PAPPA: variants seen among roughly 807,000 people sequenced by gnomAD.
PAPPA encodes pappalysin-1.
In PAPPA, 60 loss-of-function variants were observed where a neutral mutation model predicts 164.0. That is an observed-to-expected ratio of 0.37 (90% CI 0.30 to 0.45). The LOEUF (loss-of-function observed/expected upper bound fraction) is 0.45, where lower values mean the gene tolerates loss of function less well. Ranked by LOEUF, PAPPA falls within the 20% of genes least tolerant of loss-of-function variation. The probability of loss-of-function intolerance (pLI) is 1.00; values close to 1 mark genes in which losing one functional copy is unlikely to be tolerated. For missense variants in PAPPA, 1,782 were observed against 2,087.3 expected (o/e 0.85, Z 2.85); for synonymous variants, 875 against 814.1 (o/e 1.07, Z -1.27).
intron 21 of PAPPA, among the ~76,000 whole-genome samples, chr9:116,391,387 C>T (rs1286218329): frequency 1.3e-5 from 2 of 152,190 alleles, no homozygotes; most frequent in African/African-American, 2.4e-5. Context: ...TGGCCCCCCA[C>T]AGCCAGCAGG....
At chr9:116,218,465 G>A (rs1490362721) in intron 4 of PAPPA, among the ~76,000 whole-genome samples, 1 of 152,148 alleles carries the variant, frequency 6.6e-6, no homozygotes, top group Non-Finnish European at 1.5e-5. Context: ...GACACCTCTG[G>A]GAAGTGGTGT....
At chr9:116,214,479 A>G (rs892540440) in intron 4 of PAPPA, among the ~76,000 whole-genome samples, 54 of 152,290 alleles carry the variant, frequency 3.5e-4, no homozygotes, top group Non-Finnish European at 6.6e-4. Flanking sequence ...AGTGTTTCTT[A>G]CTGCAGAGCC....
intron 1 of PAPPA, among the ~76,000 whole-genome samples, chr9:116,167,334 A>G (rs1352368009): frequency 6.6e-6 from 1 of 152,232 alleles, no homozygotes; most frequent in Non-Finnish European, 1.5e-5. Context: ...TTAATGCTAT[A>G]CAAATAGTTG....
chr9:116,182,620 C>T (rs145405984), intron 1 of PAPPA, among the ~76,000 whole-genome samples: 275 of 152,276 alleles, frequency 1.8e-3, no homozygotes, highest in African/African-American at 6.4e-3. Context: ...AGCCAAGGTT[C>T]TGAGAGACTC....
At chr9:116,358,194 C>T (rs966106509) in intron 17 of PAPPA, among the ~76,000 whole-genome samples, 2 of 152,092 alleles carry the variant, frequency 1.3e-5, no homozygotes, top group South Asian at 2.1e-4. Flanking sequence ...CTGATGGGAG[C>T]CCTAAACCCC....
At chr9:116,177,486 A>C (rs1218381469) in intron 1 of PAPPA, among the ~76,000 whole-genome samples, 1 of 152,182 alleles carries the variant, frequency 6.6e-6, no homozygotes, top group Admixed American at 6.5e-5. Context: ...TGTTGTACAG[A>C]TGATTCAAAT....
In PAPPA at chr9:116,187,519, G is replaced by T. The variant is rs1337549216; in HGVS notation, c.781G>T (p.Val261Leu). The change falls in exon 2 of 22, where the codon GTG (valine) becomes TTG (leucine). Residue 261 changes from valine (V) to leucine (L), a missense_variant. By Grantham distance (32) the Val-to-Leu change is conservative. This residue lies in a region of PAPPA where 458 missense variants were observed against 430.3 expected (regional missense o/e 1.06). Coordinates refer to ENST00000328252, the MANE Select transcript of PAPPA (RefSeq NM_002581.5). The surrounding 1 kb of genome is among the most constrained non-coding windows in gnomAD (Gnocchi z 4.2). Reference sequence around the variant, plus strand: ...CATCGAGCACTTCAGTCTGTGGAAGGTGGCCAGGACTCAGCGGGAGATACT... The same window carrying T: ...CATCGAGCACTTCAGTCTGTGGAAGTTGGCCAGGACTCAGCGGGAGATACT... ...GYIEHFSLWK[V>L]ARTQREILSD... The T allele has an allele frequency of 6.2e-7, 1 of 1,614,172 alleles. No individual in the cohort carries two copies. Among genetic ancestry groups the T allele is most frequent in the Admixed American group, 1.7e-5 (1 of 60,030 alleles).
chr9:116,352,421 G>A (rs1210987563), intron 15 of PAPPA, among the ~76,000 whole-genome samples: 1 of 152,194 alleles, frequency 6.6e-6, no homozygotes, highest in Non-Finnish European at 1.5e-5. Flanking sequence ...GATTGTGAGT[G>A]TGTCTTTTCT....
chr9:116,200,545 A>G (rs1419691145), intron 2 of PAPPA, among the ~76,000 whole-genome samples: 1 of 152,198 alleles, frequency 6.6e-6, no homozygotes, highest in Non-Finnish European at 1.5e-5. Flanking sequence ...GAAAAGCTTC[A>G]AAAATATAAC....
At chr9:116,339,432 A>G (rs1846105702) in intron 13 of PAPPA, among the ~76,000 whole-genome samples, 1 of 152,120 alleles carries the variant, frequency 6.6e-6, no homozygotes, top group Admixed American at 6.6e-5. Context: ...ACTTGCCTCC[A>G]TACCACACCA....
chr9:116,372,541 G>A (rs937886859), intron 19 of PAPPA, among the ~76,000 whole-genome samples: 2 of 152,102 alleles, frequency 1.3e-5, no homozygotes, highest in African/African-American at 4.8e-5. Flanking sequence ...GAATTCTGGG[G>A]TGGCAGCCTG....
In PAPPA at chr9:116,347,845, C is replaced by T. The variant is rs1186485866; in HGVS notation, c.3964+636C>T. On this transcript the variant is annotated intron_variant, in intron 15 of 21. Coordinates refer to ENST00000328252, the MANE Select transcript of PAPPA (RefSeq NM_002581.5). This position sits in a 1 kb window ranked among gnomAD's most constrained non-coding sequence, Gnocchi z 4.5. ...CACTGGCATACCAGAGAAGAGGTCA[C>T]ATTTTAGAAAAAAGTGAGTAGCTGG... Among the ~76,000 whole-genome samples the T allele has an allele frequency of 6.6e-6, 1 of 152,144 alleles. No individual in the cohort carries two copies. The highest frequency in any genetic ancestry group is 1.5e-5 in the Non-Finnish European group (1 of 68,012).
At chr9:116,311,490 AT>A (rs2118907821) in intron 10 of PAPPA, among the ~76,000 whole-genome samples, 1 of 152,270 alleles carries the variant, frequency 6.6e-6, no homozygotes, top group African/African-American at 2.4e-5. Flanking sequence ...GTAGAAAGTG[AT>A]TTTTCTTTCC....
intron 13 of PAPPA, among the ~76,000 whole-genome samples, chr9:116,336,188 G>A (rs960177200): frequency 6.6e-6 from 1 of 152,006 alleles, no homozygotes; most frequent in Non-Finnish European, 1.5e-5. Flanking sequence ...CTACCCAAGA[G>A]TGAGGCTCTC....
At chr9:116,308,259 G>A (rs985151449) in intron 10 of PAPPA, among the ~76,000 whole-genome samples, 3 of 152,192 alleles carry the variant, frequency 2.0e-5, no homozygotes, top group African/African-American at 7.2e-5. Context: ...GAGAGTGTAA[G>A]ATCTAGAGGG....
At chr9:116,218,188 G>T (rs1844399751) in intron 4 of PAPPA, among the ~76,000 whole-genome samples, 1 of 152,160 alleles carries the variant, frequency 6.6e-6, no homozygotes, top group Non-Finnish European at 1.5e-5. Flanking sequence ...CTTCCCTAAG[G>T]TGCTGGAAAG....
intron 9 of PAPPA, among the ~76,000 whole-genome samples, chr9:116,275,567 A>AT (rs1312615089): frequency 6.6e-6 from 1 of 152,028 alleles, no homozygotes; most frequent in African/African-American, 2.4e-5. Flanking sequence ...CTGCCTCTCC[A>AT]TTTGAATGAC....
chr9:116,271,889 G>A lies in PAPPA; in HGVS notation c.2953+473G>A, dbSNP rs572759380. ...CTGATTTTGTCTGATTCTCAAGCAC[G>A]TGCTCAACTCATTTTGCTTTGCAAC... On this transcript the variant is annotated intron_variant, in intron 9 of 21. Coordinates refer to ENST00000328252, the MANE Select transcript of PAPPA (RefSeq NM_002581.5). This position sits in a 1 kb window ranked among gnomAD's most constrained non-coding sequence, Gnocchi z 4.2. Among the ~76,000 whole-genome samples, 22 of 152,284 alleles carry A rather than the reference G, an allele frequency of 1.4e-4. No homozygotes were observed. The highest frequency in any genetic ancestry group is 5.3e-4 in the African/African-American group (22 of 41,566).
intron 10 of PAPPA, among the ~76,000 whole-genome samples, chr9:116,309,675 C>T (rs1484020155): frequency 6.6e-6 from 1 of 151,380 alleles, no homozygotes; most frequent in African/African-American, 2.4e-5. Flanking sequence ...ATGGGGGCTG[C>T]GAGGGGTATA....
Sources: gnomAD v4.1 joint callset for allele counts (sites outside exome capture counted in the v4.1 genomes callset) on GRCh38, gnomAD v4.1.1 for gene constraint, gnomAD v4.1.1 regional missense constraint, Gnocchi (gnomAD v3.1) non-coding constraint, MANE v1.5 for transcripts, NCBI Gene and HGNC (gene_info 2026-07-23, HGNC 2026-07-21) for gene names.